The following RELN variants were observed in gnomAD, a reference collection of about 807,000 sequenced individuals.
The protein encoded by RELN is reelin.
In RELN, 108 loss-of-function variants were observed where a neutral mutation model predicts 427.6. That is an observed-to-expected ratio of 0.25 (90% CI 0.22 to 0.30). The LOEUF (loss-of-function observed/expected upper bound fraction) is 0.30, where lower values mean the gene tolerates loss of function less well. Among genes scored for constraint, RELN ranks in the 10% least tolerant of loss-of-function variants. The pLI is 1.00. For missense variants in RELN, 3,715 were observed against 4,302.8 expected (o/e 0.86, Z 3.82); for synonymous variants, 1,524 against 1,513.4 (o/e 1.01, Z -0.16).
At chr7:103,704,632 T>C (rs975693218) in intron 8 of RELN, among the ~76,000 whole-genome samples, 4 of 152,042 alleles carry the variant, frequency 2.6e-5, no homozygotes, top group African/African-American at 9.7e-5. Flanking sequence ...TCCTGGATAA[T>C]GTCTATTATC....
intron 8 of RELN, among the ~76,000 whole-genome samples, chr7:103,721,380 G>A (rs1790072506): frequency 6.6e-6 from 1 of 152,022 alleles, no homozygotes; most frequent in South Asian, 2.1e-4. Context: ...GGGAGACCAA[G>A]GGCTCTTGCT....
Position 103,698,087 on chromosome 7 carries a change from A to G in RELN, c.909T>C (p.Pro303=). The change falls in exon 10 of 65, where the codon CCT becomes CCC. Residue 303 remains proline, a synonymous_variant. Transcript: ENST00000428762. ...DWIQLEKIRA[P]SNVSTIIHIL... ...TATGGATGATTGTGCTGACATTGGA[A>G]GGGGCTCTGGAACATACAGAGAGAT... 1 of 1,613,722 alleles carries G rather than the reference A, an allele frequency of 6.2e-7. No homozygotes were observed. Among genetic ancestry groups the G allele is most frequent in the East Asian group, 2.2e-5 (1 of 44,866 alleles).
At chr7:103,572,155 G>A (rs1830896658) in intron 31 of RELN, 29 bp downstream of exon 31, 13 of 1,352,780 alleles carry the variant, frequency 9.6e-6, no homozygotes, top group Non-Finnish European at 1.3e-5. Context: ...AATAGTAACT[G>A]TAATTTCCAT....
At chr7:103,831,559 A>G (rs1223467271) in intron 3 of RELN, among the ~76,000 whole-genome samples, 1 of 152,196 alleles carries the variant, frequency 6.6e-6, no homozygotes, top group Non-Finnish European at 1.5e-5. Context: ...CAAGTTTTAC[A>G]GAAGAGTTGG....
chr7:103,735,788 T>A (rs570222570), intron 6 of RELN, among the ~76,000 whole-genome samples: 2 of 152,280 alleles, frequency 1.3e-5, no homozygotes, highest in East Asian at 3.9e-4. Context: ...AAGGACATCA[T>A]ATTATCTCTC....
At chr7:103,668,309 T>G (rs1365550373) in intron 11 of RELN, among the ~76,000 whole-genome samples, 1 of 152,224 alleles carries the variant, frequency 6.6e-6, no homozygotes. Context: ...AGCTTGATAC[T>G]TTGATCTTGT....
At chr7:103,652,197 T>C (rs1832931346) in intron 14 of RELN, among the ~76,000 whole-genome samples, 2 of 150,598 alleles carry the variant, frequency 1.3e-5, no homozygotes, top group African/African-American at 5.0e-5. Flanking sequence ...TTGATTTCCA[T>C]GCTTATTATT....
intron 20 of RELN, among the ~76,000 whole-genome samples, chr7:103,617,396 T>C (rs1181885419): frequency 2.6e-5 from 4 of 152,138 alleles, no homozygotes; most frequent in African/African-American, 7.2e-5. Flanking sequence ...GTGACTGTTA[T>C]AGTCCCTGAT....
At position 103,698,085 on chromosome 7, in the gene RELN, G is replaced by T. The variant is rs777543027; in HGVS notation, c.911C>A (p.Ser304Tyr). 1 of 1,613,584 alleles carries T rather than the reference G, an allele frequency of 6.2e-7. No homozygotes were observed. Among genetic ancestry groups the T allele is most frequent in the Non-Finnish European group, 8.5e-7 (1 of 1,179,740 alleles). ...WIQLEKIRAP[S>Y]NVSTIIHILY... is the part of the protein sequence containing the mutation. ...GATATGGATGATTGTGCTGACATTG[G>T]AAGGGGCTCTGGAACATACAGAGAG... is the stretch of plus-strand genomic sequence containing the variant. Residue 304 changes from serine (S) to tyrosine (Y), a missense_variant, in exon 10 of 65, where the codon TCC becomes TAC. Transcript: ENST00000428762.
intron 2 of RELN, among the ~76,000 whole-genome samples, chr7:103,890,420 G>A (rs1294546893): frequency 6.6e-6 from 1 of 152,034 alleles, no homozygotes; most frequent in East Asian, 1.9e-4. Context: ...CCTGAGCTCT[G>A]CCTCCTGTCA....
At chr7:103,708,462 C>CCCTTTTTTTTTT in intron 8 of RELN, among the ~76,000 whole-genome samples, 1 of 96,880 alleles carries the variant, frequency 1.0e-5, no homozygotes, top group East Asian at 2.9e-4. Context: ...GTGGGTATGA[C>CCCTTTTTTTTTT]TCTTTTTTTT....
At chr7:103,553,891 G>T (rs896050370) in intron 38 of RELN, 60 bp from the exon 39 acceptor site, 14 of 1,447,722 alleles carry the variant, frequency 9.7e-6, no homozygotes, top group East Asian at 9.1e-5. Flanking sequence ...GAACACTTTT[G>T]CTCATTGAAA....
intron 1 of RELN, among the ~76,000 whole-genome samples, chr7:103,937,136 G>A (rs1024087334): frequency 3.3e-5 from 5 of 152,028 alleles, no homozygotes; most frequent in Non-Finnish European, 5.9e-5. Flanking sequence ...CATGTATATA[G>A]TAAATAAAAT....
At position 103,989,169 on chromosome 7, in the gene RELN, C is replaced by G; in HGVS notation, c.188G>C (p.Gly63Ala). The change falls in exon 1 of 65, where the codon GGC (glycine) becomes GCC (alanine). Residue 63 changes from glycine (G) to alanine (A), a missense_variant. By Grantham distance (60) the Gly-to-Ala change is moderately conservative (BLOSUM62 0). Around this residue, in one of 4 missense-constraint regions of RELN, gnomAD observed 2,208 missense variants for 2,361.7 expected, o/e 0.93. Transcript: ENST00000428762. The surrounding 1 kb of genome is among the most constrained non-coding windows in gnomAD (Gnocchi z 4.9). ...GEVLISLHIA[G>A]NPTYYVPGQE... ...TCCCGGAACGTAGTAGGTGGGGTTGCCCGCAATATGCAGGGAAATGAGCAC... is the reference window on the plus strand; with the variant it reads ...TCCCGGAACGTAGTAGGTGGGGTTGGCCGCAATATGCAGGGAAATGAGCAC... The G allele has an allele frequency of 6.2e-7, 1 of 1,614,052 alleles. No homozygotes were observed. Among genetic ancestry groups the G allele is most frequent in the East Asian group, 2.2e-5 (1 of 44,824 alleles).
In RELN at chr7:103,515,214, A is replaced by C; in HGVS notation, c.8090T>G (p.Phe2697Cys). The C allele has an allele frequency of 6.2e-7, 1 of 1,614,204 alleles. No individual in the cohort carries two copies. The highest frequency in any genetic ancestry group is 1.1e-5 in the South Asian group (1 of 91,086). The change falls in exon 50 of 65, where the codon TTT becomes TGT. Residue 2697 changes from phenylalanine (F) to cysteine (C), a missense_variant. By Grantham distance (205) the Phe-to-Cys change is radical. Transcript: ENST00000428762. ...ADAGPVGRIAFDMFMEDKTSV... is the reference protein window; with the variant it reads ...ADAGPVGRIACDMFMEDKTSV... ...AGTTTTGTCTTCCATAAACATGTCA[A>C]AGGCGATCCTCCCGACAGGGCCGGC... is the stretch of plus-strand genomic sequence containing the variant.
chr7:103,800,499 A>C (rs1387475363), intron 3 of RELN, among the ~76,000 whole-genome samples: 1 of 152,194 alleles, frequency 6.6e-6, no homozygotes, highest in East Asian at 1.9e-4. Flanking sequence ...CTATTTAATA[A>C]ATGGTGCTGG....
chr7:103,829,261 A>G (rs1793217331), intron 3 of RELN, among the ~76,000 whole-genome samples: 1 of 151,612 alleles, frequency 6.6e-6, no homozygotes, highest in Non-Finnish European at 1.5e-5. Context: ...TTAGGGTTAG[A>G]CGGTTTGGAG....
At chr7:103,716,833 C>A (rs1275282382) in intron 8 of RELN, among the ~76,000 whole-genome samples, 1 of 152,066 alleles carries the variant, frequency 6.6e-6, no homozygotes, top group Non-Finnish European at 1.5e-5. Context: ...AAATTCAGAG[C>A]AAGTGGGGTT....
At chr7:103,791,729 C>A (rs1190289397) in intron 3 of RELN, among the ~76,000 whole-genome samples, 1 of 151,708 alleles carries the variant, frequency 6.6e-6, no homozygotes, top group East Asian at 1.9e-4. Flanking sequence ...ATGAATAGAA[C>A]TTTATCAAAA....
Sources: gnomAD v4.1 joint callset for allele counts (sites outside exome capture counted in the v4.1 genomes callset) on GRCh38, gnomAD v4.1.1 for gene constraint, gnomAD v4.1.1 regional missense constraint, Gnocchi (gnomAD v3.1) non-coding constraint, MANE v1.5 for transcripts, NCBI Gene and HGNC (gene_info 2026-07-23, HGNC 2026-07-21) for gene names.